Variants in VPS13A observed in about 807,000 individuals in gnomAD.
VPS13A encodes the protein intermembrane lipid transfer protein VPS13A.
VPS13A carries 264 observed loss-of-function variants against 390.9 expected under a neutral mutation model. That is an observed-to-expected ratio of 0.68 (90% confidence interval 0.61 to 0.75). VPS13A has a LOEUF of 0.75. Among genes scored for constraint, VPS13A ranks in the 30% least tolerant of loss-of-function variants. The pLI is 0.00. For missense variants in VPS13A, 3,409 were observed against 3,733.9 expected (o/e 0.91, Z 2.27); for synonymous variants, 1,231 against 1,227.1 (o/e 1.00, Z -0.07).
intron 70 of VPS13A, among the ~76,000 whole-genome samples, chr9:77,407,321 G>A (rs1438350884): frequency 1.3e-5 from 2 of 152,078 alleles, no homozygotes; most frequent in Non-Finnish European, 2.9e-5. Flanking sequence ...TTTAACTTAG[G>A]TTTAGTGATA....
intron 22 of VPS13A, 114 bp downstream of exon 22, chr9:77,252,466 C>T: frequency 1.1e-6 from 1 of 888,942 alleles, no homozygotes. Context: ...ATATAACTGA[C>T]TCTTCCTTGT....
intron 68 of VPS13A, among the ~76,000 whole-genome samples, chr9:77,386,358 G>A (rs1277168760): frequency 6.6e-6 from 1 of 152,086 alleles, no homozygotes; most frequent in Non-Finnish European, 1.5e-5. Context: ...TAGTCACAAG[G>A]CCTTTGTAAA....
chr9:77,384,554 G>A, intron 68 of VPS13A: 1 of 1,610,816 alleles, frequency 6.2e-7, no homozygotes, highest in Non-Finnish European at 8.5e-7. Flanking sequence ...ACTAACCTTT[G>A]TGCTTCTTTT....
intron 60 of VPS13A, among the ~76,000 whole-genome samples, chr9:77,366,395 C>T (rs935065633): frequency 6.6e-6 from 1 of 151,778 alleles, no homozygotes; most frequent in Non-Finnish European, 1.5e-5. Flanking sequence ...AGTTGGGGAC[C>T]ATATGTATTT....
rs1488814919 is a variant in VPS13A at position 77,260,134 on chromosome 9, TA to T, written c.2343del (p.Lys781AsnfsTer8). On this transcript the variant is annotated frameshift_variant, in exon 23 of 72. Coordinates refer to ENST00000360280, the MANE Select transcript of VPS13A (RefSeq NM_033305.3). LOFTEE classifies it high-confidence loss of function. ...CTCTTATTTCTTTACGAATCTCAGA[TA>T]AAAAACTACAAGGGATTATGGAATT... ...LPLISLRISD[K>X]KLQGIMELIE... 6.3e-7 allele frequency: 1 copy of T among 1,587,932 alleles called. No homozygotes were observed. The highest frequency in any genetic ancestry group is 1.7e-5 in the Admixed American group (1 of 59,820).
chr9:77,283,648 A>G lies in VPS13A; in HGVS notation c.3337A>G (p.Lys1113Glu). The change falls in exon 31 of 72, where the codon AAG becomes GAG. Residue 1113 changes from lysine (K) to glutamate (E), a missense_variant and splice_region_variant. Physicochemically the swap from Lys to Glu is moderately conservative, Grantham distance 56. This residue lies in a region of VPS13A where 2,717 missense variants were observed against 2,917.4 expected (regional missense o/e 0.93). Coordinates refer to ENST00000360280, the MANE Select transcript of VPS13A (RefSeq NM_033305.3). ...LDSDITAIYK[K>E]AVYITGKEVF... is the part of the protein sequence containing the mutation. Reference sequence around the variant, plus strand: ...TTCTGATATAACAGCTATATACAAAAAGGTAAGAATTCTTTTAATTAAATA... The same window carrying G: ...TTCTGATATAACAGCTATATACAAAGAGGTAAGAATTCTTTTAATTAAATA... 6.3e-7 allele frequency: 1 copy of G among 1,595,896 alleles called. No individual in the cohort carries two copies. Among genetic ancestry groups the G allele is most frequent in the Non-Finnish European group, 8.6e-7 (1 of 1,165,794 alleles).
chr9:77,387,619 A>G (rs1833743432), intron 68 of VPS13A, among the ~76,000 whole-genome samples: 1 of 152,210 alleles, frequency 6.6e-6, no homozygotes, highest in Admixed American at 6.5e-5. Flanking sequence ...AAGCCTGTAA[A>G]TGAAATTAAT....
chr9:77,397,156 A>G (rs1834150167), intron 68 of VPS13A, among the ~76,000 whole-genome samples: 1 of 151,898 alleles, frequency 6.6e-6, no homozygotes, highest in Non-Finnish European at 1.5e-5. Context: ...CAACCAGTTA[A>G]TTTTTTGTAT....
At chr9:77,340,722 A>G in intron 50 of VPS13A, 172 bp downstream of exon 50, 1 of 694,132 alleles carries the variant, frequency 1.4e-6, no homozygotes, top group Non-Finnish European at 2.4e-6. Flanking sequence ...GGGAAGGTTC[A>G]ATTTTTAATA....
rs780031690 is a variant in VPS13A at position 77,370,591 on chromosome 9, A to G, written c.8907+13A>G. 2 of 1,614,048 alleles carry G rather than the reference A, an allele frequency of 1.2e-6. No individual in the cohort carries two copies. The highest frequency in any genetic ancestry group is 3.3e-5 in the Admixed American group (2 of 60,016). ...AGGCTTAGTTTCTGTAAGAAATTTCACAGGGTTGTGAAGATTTTGGGAAAT... is the reference window on the plus strand; with the variant it reads ...AGGCTTAGTTTCTGTAAGAAATTTCGCAGGGTTGTGAAGATTTTGGGAAAT... On this transcript the variant is annotated intron_variant, in intron 65 of 71. Coordinates refer to ENST00000360280, the MANE Select transcript of VPS13A (RefSeq NM_033305.3).
chr9:77,411,659 T>TCAAAAAAAAAAAAAAAAA (rs1834930402), intron 71 of VPS13A, among the ~76,000 whole-genome samples: 1 of 13,958 alleles, frequency 7.2e-5, no homozygotes, highest in African/African-American at 4.9e-4. Flanking sequence ...AAACTCCATC[T>TCAAAAAAAAAAAAAAAAA]CAAAAAAAAA....
chr9:77,327,045 C>T (rs1282059846), intron 45 of VPS13A, among the ~76,000 whole-genome samples: 1 of 152,186 alleles, frequency 6.6e-6, no homozygotes, highest in African/African-American at 2.4e-5. Context: ...ACTTGGCTGC[C>T]TGCTCCTCAC....
intron 31 of VPS13A, among the ~76,000 whole-genome samples, chr9:77,287,285 C>T (rs867921836): frequency 9.2e-5 from 14 of 151,398 alleles, no homozygotes; most frequent in Non-Finnish European, 1.8e-4. Flanking sequence ...ACTGCAGCCT[C>T]GACCTTCCCT....
At chr9:77,400,097 T>TA (rs1834305386) in intron 68 of VPS13A, among the ~76,000 whole-genome samples, 1 of 152,166 alleles carries the variant, frequency 6.6e-6, no homozygotes, top group African/African-American at 2.4e-5. Flanking sequence ...TATATGTATA[T>TA]TTTGGCATAC....
At chr9:77,404,559 G>A (rs927462438) in intron 69 of VPS13A, among the ~76,000 whole-genome samples, 9 of 152,140 alleles carry the variant, frequency 5.9e-5, no homozygotes, top group African/African-American at 2.2e-4. Flanking sequence ...CTAAAGGAAA[G>A]GTAACTAATC....
intron 19 of VPS13A, among the ~76,000 whole-genome samples, chr9:77,246,675 T>C (rs1189138255): frequency 6.6e-6 from 1 of 152,104 alleles, no homozygotes; most frequent in African/African-American, 2.4e-5. Flanking sequence ...GGACATAAAA[T>C]AGATGAATTT....
chr9:77,367,650 A>G (rs1832506428), intron 61 of VPS13A, among the ~76,000 whole-genome samples: 1 of 152,220 alleles, frequency 6.6e-6, no homozygotes, highest in Non-Finnish European at 1.5e-5. Context: ...GTAAGCAGGC[A>G]AAACCTGCTG....
intron 19 of VPS13A, among the ~76,000 whole-genome samples, chr9:77,246,462 C>A (rs559809920): frequency 1.4e-5 from 2 of 138,990 alleles, no homozygotes; most frequent in East Asian, 4.0e-4. Flanking sequence ...GACCTGCCTA[C>A]ATTTTGTGTG....
intron 68 of VPS13A, chr9:77,395,967 T>C (rs1834103688): frequency 6.6e-6 from 1 of 152,180 alleles, no homozygotes; most frequent in Non-Finnish European, 1.5e-5. Flanking sequence ...TGCTCTGAAT[T>C]ATACAGTATT....
Sources: allele counts gnomAD v4.1 joint callset (sites outside exome capture counted in the v4.1 genomes callset), GRCh38; gene constraint gnomAD v4.1.1; regional missense constraint gnomAD v4.1.1; transcripts MANE v1.5; gene names NCBI Gene and HGNC (gene_info 2026-07-23, HGNC 2026-07-21).